The following AMD1 variants were observed in gnomAD, a reference collection of about 807,000 sequenced individuals.
AMD1 encodes the protein S-adenosylmethionine decarboxylase proenzyme.
Under a neutral mutation model 40.2 loss-of-function variants are expected in AMD1, and 11 were observed. That is an observed-to-expected ratio of 0.27 (90% CI 0.17 to 0.45). AMD1 has a LOEUF of 0.45. Ranked by LOEUF, AMD1 falls within the 20% of genes least tolerant of loss-of-function variation. The pLI is 1.00. For missense variants in AMD1, 257 were observed against 410.2 expected (o/e 0.63, Z 3.23); for synonymous variants, 121 against 130.8 (o/e 0.93, Z 0.51).
At chr6:110,849,549 T>G in the AMD1 span, among the ~76,000 whole-genome samples, 1 of 152,112 alleles carries the variant, frequency 6.6e-6, no homozygotes, top group African/African-American at 2.4e-5. Context: ...GTGGAACAAA[T>G]CACAACATGG....
At chr6:110,856,217 G>C in the AMD1 span, among the ~76,000 whole-genome samples, 1 of 152,148 alleles carries the variant, frequency 6.6e-6, no homozygotes, top group Non-Finnish European at 1.5e-5. Context: ...GGATTGTACA[G>C]TTGCTGCATC....
intron 3 of AMD1, chr6:110,890,007 A>G: frequency 2.8e-6 from 1 of 361,670 alleles, no homozygotes; most frequent in South Asian, 4.1e-5. Context: ...TGGGCTTTTT[A>G]AAAAAAAGAG....
the AMD1 span, among the ~76,000 whole-genome samples, chr6:110,818,587 C>A: frequency 6.6e-6 from 1 of 152,094 alleles, no homozygotes; most frequent in African/African-American, 2.4e-5. Context: ...GTCACCCAGG[C>A]TGGAATGCTG....
At chr6:110,828,025 A>G in the AMD1 span, among the ~76,000 whole-genome samples, 10 of 152,362 alleles carry the variant, frequency 6.6e-5, no homozygotes, top group South Asian at 1.0e-3. Context: ...GCTACAAAAC[A>G]AAAACAAAGT....
chr6:110,837,636 A>G, the AMD1 span, among the ~76,000 whole-genome samples: 1 of 143,706 alleles, frequency 7.0e-6, no homozygotes, highest in Non-Finnish European at 1.5e-5. Context: ...ACTTGAACTC[A>G]GGAGGCGGAG....
the AMD1 span, chr6:110,815,836 G>C: frequency 6.6e-6 from 1 of 152,452 alleles, no homozygotes; most frequent in East Asian, 1.9e-4. Flanking sequence ...GCAGTGACTC[G>C]GGAGGCGAGG....
the AMD1 span, among the ~76,000 whole-genome samples, chr6:110,820,240 C>CTT: frequency 2.1e-5 from 3 of 141,966 alleles, no homozygotes; most frequent in Admixed American, 7.0e-5. Context: ...TTCTTTCTTT[C>CTT]TTTTTTTTTT....
chr6:110,814,920 G>A, the AMD1 span: 2 of 1,561,746 alleles, frequency 1.3e-6, no homozygotes, highest in Admixed American at 1.7e-5. Context: ...CTCGGGCACG[G>A]CCCGACTGGG....
chr6:110,857,172 T>G, the AMD1 span, among the ~76,000 whole-genome samples: 1 of 147,040 alleles, frequency 6.8e-6, no homozygotes, highest in African/African-American at 2.5e-5. Context: ...CTCAAAAAAA[T>G]AAATAAATAA....
chr6:110,863,842 A>G, the AMD1 span: 1 of 386,996 alleles, frequency 2.6e-6, no homozygotes, highest in African/African-American at 2.2e-5. Flanking sequence ...AAGTTCATTG[A>G]AGGCCTGGTG....
At chr6:110,825,915 C>G in the AMD1 span, among the ~76,000 whole-genome samples, 1 of 152,046 alleles carries the variant, frequency 6.6e-6, no homozygotes, top group African/African-American at 2.4e-5. Context: ...CACCTGTAAT[C>G]CCAACATTTT....
intron 1 of AMD1, among the ~76,000 whole-genome samples, chr6:110,876,154 G>C (rs12211153): frequency 3.9e-5 from 6 of 152,236 alleles, no homozygotes; most frequent in African/African-American, 1.4e-4. Flanking sequence ...CCGCGCCGAA[G>C]AGGCGTTTTA....
chr6:110,838,470 A>C, the AMD1 span, among the ~76,000 whole-genome samples: 1 of 152,180 alleles, frequency 6.6e-6, no homozygotes, highest in Non-Finnish European at 1.5e-5. Flanking sequence ...GCAATGAAAG[A>C]AGAAGAAAAC....
Position 110,894,444 on chromosome 6 carries a change from T to C in AMD1, c.*828T>C, listed in dbSNP as rs899855590. 1 of 152,296 alleles carries C rather than the reference T, an allele frequency of 6.6e-6. No homozygotes were observed. The highest frequency in any genetic ancestry group is 2.4e-5 in the African/African-American group (1 of 41,410). 9.4% of individuals were successfully genotyped at this position (152,296 alleles called of 1,614,324 possible). On this transcript the variant is annotated 3_prime_UTR_variant, in exon 9 of 9. Transcript: ENST00000368885. ...TATTGTAATGTGCTCTTTTGGAAAA[T>C]AGTTGGTTAGCAGGGAAGACCCAGA...
At chr6:110,877,758 G>C (rs1395997735) in intron 1 of AMD1, among the ~76,000 whole-genome samples, 1 of 152,224 alleles carries the variant, frequency 6.6e-6, no homozygotes, top group Non-Finnish European at 1.5e-5. Flanking sequence ...GCCCAGGCTG[G>C]AGTGCAGTGG....
chr6:110,872,628 T>C (rs1424920852), upstream of AMD1, among the ~76,000 whole-genome samples: 1 of 152,250 alleles, frequency 6.6e-6, no homozygotes, highest in Admixed American at 6.5e-5. Context: ...TTTATTTTTA[T>C]TATTTCTATG....
chr6:110,875,533 C>T (rs1331313584), intron 1 of AMD1: 2 of 238,440 alleles, frequency 8.4e-6, no homozygotes, highest in Non-Finnish European at 8.0e-6. Context: ...GGTTTTGCGG[C>T]CCGCGCCTCC....
intron 1 of AMD1, among the ~76,000 whole-genome samples, chr6:110,876,542 GT>G (rs1346936594): frequency 3.9e-5 from 6 of 152,154 alleles, no homozygotes; most frequent in Non-Finnish European, 8.8e-5. Flanking sequence ...GGGAAACCCG[GT>G]TTCTAGCAGT....
At chr6:110,852,360 T>C in the AMD1 span, among the ~76,000 whole-genome samples, 28 of 151,888 alleles carry the variant, frequency 1.8e-4, no homozygotes, top group African/African-American at 6.0e-4. Context: ...TAGCTACAAC[T>C]ACAGGCACAC....
Sources: allele counts gnomAD v4.1 joint callset (sites outside exome capture counted in the v4.1 genomes callset), GRCh38; gene constraint gnomAD v4.1.1; transcripts MANE v1.5; gene names NCBI Gene and HGNC (gene_info 2026-07-23, HGNC 2026-07-21).